PTGER3: variants seen among roughly 807,000 people sequenced by gnomAD.
PTGER3 encodes the protein prostaglandin E2 receptor EP3 subtype.
In PTGER3, 22 loss-of-function variants were observed where a neutral mutation model predicts 34.7. The observed-to-expected ratio is 0.63, with a 90% confidence interval of 0.45 to 0.91. The LOEUF (loss-of-function observed/expected upper bound fraction) is 0.91. PTGER3 is among the 40% of genes least tolerant of loss of function. The pLI, the probability that PTGER3 is intolerant of heterozygous loss-of-function variation, is 0.00. For missense variants in PTGER3, 468 were observed against 519.4 expected, an observed-to-expected ratio of 0.90 and a Z score of 0.96; for synonymous variants, 241 against 230.1, an observed-to-expected ratio of 1.05 and a Z score of -0.43.
At chr1:71,012,665 T>G (rs1657549747) in intron 1 of PTGER3, among the ~76,000 whole-genome samples, 181 bp from the exon 2 acceptor site, 1 of 152,170 alleles carries the variant, frequency 6.6e-6, no homozygotes, top group Non-Finnish European at 1.5e-5. Context: ...TCCTAGGTAT[T>G]TTCCCACATT....
At chr1:71,023,120 C>T (rs1443186739) in intron 1 of PTGER3, among the ~76,000 whole-genome samples, 1 of 151,832 alleles carries the variant, frequency 6.6e-6, no homozygotes, top group African/African-American at 2.4e-5. Flanking sequence ...TGTCTACCCT[C>T]CTTACCTTTA....
intron 2 of PTGER3, among the ~76,000 whole-genome samples, chr1:70,991,524 C>T (rs1382168229): frequency 6.6e-6 from 1 of 152,172 alleles, no homozygotes; most frequent in African/African-American, 2.4e-5. Context: ...CAAGGAGACC[C>T]TGACACCAGT....
intron 4 of PTGER3, among the ~76,000 whole-genome samples, chr1:70,874,091 TACAA>T (rs981613906): frequency 9.9e-5 from 15 of 152,146 alleles, no homozygotes; most frequent in East Asian, 9.6e-4. Flanking sequence ...AAAACAAACA[TACAA>T]ACAAACAAAC....
At chr1:71,020,002 T>C (rs542577660) in intron 1 of PTGER3, among the ~76,000 whole-genome samples, 1 of 152,206 alleles carries the variant, frequency 6.6e-6, no homozygotes, top group East Asian at 1.9e-4. Context: ...CTACTGGAAA[T>C]TCCCCCCTAT....
Position 71,047,188 on chromosome 1 carries a change from G to A in PTGER3, c.390C>T (p.Cys130=), listed in dbSNP as rs1293908991. The A allele has an allele frequency of 2.5e-6, 4 of 1,599,868 alleles. No individual in the cohort carries two copies. Among genetic ancestry groups the A allele is most frequent in the Non-Finnish European group, 3.4e-6 (4 of 1,173,478 alleles). ...WEHIDPSGRL[C]TFFGLTMTVF... is the part of the protein sequence containing the mutation. Reference sequence around the variant, plus strand: ...CAGTCATGGTCAGCCCGAAAAAGGTGCAGAGCCGCCCCGACGGGTCGATGT... The same window carrying A: ...CAGTCATGGTCAGCCCGAAAAAGGTACAGAGCCGCCCCGACGGGTCGATGT... The change falls in exon 1 of 4, where the codon TGC becomes TGT. Residue 130 remains cysteine (C), a synonymous_variant. Transcript: ENST00000306666.
intron 2 of PTGER3, among the ~76,000 whole-genome samples, chr1:70,984,160 G>A (rs918858332): frequency 2.6e-5 from 4 of 152,088 alleles, no homozygotes; most frequent in Admixed American, 1.3e-4. Context: ...GCCAATATGT[G>A]TGGATTACCT....
chr1:70,906,820 T>C (rs1439769538), intron 4 of PTGER3, among the ~76,000 whole-genome samples: 1 of 152,174 alleles, frequency 6.6e-6, no homozygotes, highest in Non-Finnish European at 1.5e-5. Context: ...TTCCACAAAT[T>C]GGCTCCAAAT....
intron 1 of PTGER3, among the ~76,000 whole-genome samples, chr1:71,039,431 A>T (rs1258174313): frequency 6.6e-6 from 1 of 152,024 alleles, no homozygotes; most frequent in Non-Finnish European, 1.5e-5. Flanking sequence ...TGGATGGATC[A>T]TGAGGTCAGG....
chr1:70,957,853 A>G (rs1651511859), intron 2 of PTGER3, among the ~76,000 whole-genome samples: 1 of 152,132 alleles, frequency 6.6e-6, no homozygotes, highest in South Asian at 2.1e-4. Context: ...CCCCCCTTCC[A>G]GCCTTTGGTA....
downstream of PTGER3, among the ~76,000 whole-genome samples, chr1:70,948,890 A>C (rs1418029719): frequency 6.6e-6 from 1 of 152,216 alleles, no homozygotes; most frequent in Non-Finnish European, 1.5e-5. Context: ...TCTCTTCCAC[A>C]AATGTTCCCT....
At chr1:70,901,811 T>C (rs1217905320) in intron 4 of PTGER3, among the ~76,000 whole-genome samples, 4 of 152,194 alleles carry the variant, frequency 2.6e-5, no homozygotes, top group Non-Finnish European at 5.9e-5. Context: ...ATCCCAAACA[T>C]AGTTTTGGAT....
downstream of PTGER3, among the ~76,000 whole-genome samples, chr1:70,965,925 C>A (rs1652470186): frequency 6.6e-6 from 1 of 152,146 alleles, no homozygotes; most frequent in South Asian, 2.1e-4. Flanking sequence ...TAATGCTCCA[C>A]AAATATTTCT....
In PTGER3 at chr1:70,952,582, A is replaced by G. The variant is rs546027985; in HGVS notation, c.*325T>C. 17 of 1,008,074 alleles carry G rather than the reference A, an allele frequency of 1.7e-5. No homozygotes were observed. The South Asian group carries it at 6.8e-4, about 40-fold the overall frequency. 62.4% of individuals were successfully genotyped at this position (1,008,074 alleles called of 1,614,324 possible). On this transcript the variant is annotated 3_prime_UTR_variant, in exon 4 of 4. Coordinates refer to the PTGER3 transcript ENST00000356595. ...GGACCAAATGTTAAAATACTCTTGC[A>G]TTTCTTCCAGAGATGCACTGCATTA... is the stretch of plus-strand genomic sequence containing the variant.
chr1:70,875,262 A>G (rs1235392513), intron 4 of PTGER3, among the ~76,000 whole-genome samples: 1 of 151,958 alleles, frequency 6.6e-6, no homozygotes, highest in Non-Finnish European at 1.5e-5. Flanking sequence ...GGTGTGATCA[A>G]CCTCCCTGGG....
chr1:71,043,630 ATAGT>A (rs1048080192), intron 1 of PTGER3, among the ~76,000 whole-genome samples: 7 of 152,314 alleles, frequency 4.6e-5, no homozygotes, highest in Admixed American at 3.9e-4. Context: ...TATTACACTC[ATAGT>A]TAGAAAAAAC....
intron 2 of PTGER3, among the ~76,000 whole-genome samples, chr1:70,975,359 G>A (rs1572822782): frequency 7.1e-6 from 1 of 141,018 alleles, no homozygotes; most frequent in South Asian, 2.2e-4. Flanking sequence ...GCAGAAAAAC[G>A]ATTCCTTTTT....
At chr1:70,911,508 T>C (rs1028455682) in intron 4 of PTGER3, among the ~76,000 whole-genome samples, 11 of 152,166 alleles carry the variant, frequency 7.2e-5, no homozygotes, top group Admixed American at 5.2e-4. Flanking sequence ...CATACTGATC[T>C]TGTCCCTCTA....
At chr1:70,983,284 GA>G (rs3044618) in intron 2 of PTGER3, among the ~76,000 whole-genome samples, 2 of 148,176 alleles carry the variant, frequency 1.3e-5, no homozygotes, top group Admixed American at 6.7e-5. Flanking sequence ...TAATTAATCT[GA>G]AAAAAAAAAC....
intron 4 of PTGER3, chr1:70,862,527 G>A: frequency 2.2e-6 from 1 of 444,772 alleles, no homozygotes; most frequent in Non-Finnish European, 4.2e-6. Context: ...GGACAGGGGA[G>A]AGTCTCATGG....
Sources: gnomAD v4.1 joint callset for allele counts (sites outside exome capture counted in the v4.1 genomes callset) on GRCh38, gnomAD v4.1.1 for gene constraint, MANE v1.5 for transcripts, NCBI Gene and HGNC (gene_info 2026-07-23, HGNC 2026-07-21) for gene names.